DLGAP2: variants seen among roughly 807,000 people sequenced by gnomAD.
DLGAP2 encodes the protein disks large-associated protein 2.
DLGAP2 carries 26 observed loss-of-function variants against 100.3 expected under a neutral mutation model. The ratio of observed to expected loss-of-function variants is 0.26; its 90% CI spans 0.19 to 0.36. The LOEUF (loss-of-function observed/expected upper bound fraction) is 0.36, where lower values mean the gene tolerates loss of function less well. Ranked by LOEUF, DLGAP2 falls within the 10% of genes least tolerant of loss-of-function variation. The pLI is 1.00. For missense variants in DLGAP2, 1,858 were observed against 1,453.2 expected (o/e 1.28, Z -4.53); for synonymous variants, 886 against 630.1 (o/e 1.41, Z -6.08).
intron 6 of DLGAP2, among the ~76,000 whole-genome samples, chr8:1,589,534 C>T (rs968606804): frequency 3.9e-5 from 6 of 152,154 alleles, no homozygotes; most frequent in Non-Finnish European, 7.4e-5. Context: ...CCTCCCCAGG[C>T]TCTAATCCTC....
chr8:848,396 G>A (rs1253379826), intron 1 of DLGAP2, among the ~76,000 whole-genome samples: 1 of 115,088 alleles, frequency 8.7e-6, no homozygotes, highest in African/African-American at 3.2e-5. Flanking sequence ...GCGTGTTCCA[G>A]TGTAGGGTCG....
intron 3 of DLGAP2, among the ~76,000 whole-genome samples, chr8:1,344,325 T>C (rs556013469): frequency 1.3e-5 from 2 of 152,166 alleles, no homozygotes; most frequent in African/African-American, 4.8e-5. Context: ...GCCTTCAGGG[T>C]GCCACCTGCA....
At chr8:877,104 T>C (rs1373429358) in intron 1 of DLGAP2, among the ~76,000 whole-genome samples, 1 of 152,150 alleles carries the variant, frequency 6.6e-6, no homozygotes, top group Non-Finnish European at 1.5e-5. Context: ...TTGAAATCTT[T>C]TTCTAATAAA....
chr8:1,421,925 C>T (rs1370653716), intron 3 of DLGAP2, among the ~76,000 whole-genome samples: 1 of 152,064 alleles, frequency 6.6e-6, no homozygotes, highest in Non-Finnish European at 1.5e-5. Flanking sequence ...GTGATCATGC[C>T]ATTGCACTCT....
chr8:1,601,274 G>C (rs1796614947), intron 6 of DLGAP2, among the ~76,000 whole-genome samples: 1 of 152,160 alleles, frequency 6.6e-6, no homozygotes, highest in South Asian at 2.1e-4. Context: ...CCTGCCAGAT[G>C]CCAGCCGGAG....
chr8:1,480,571 TG>T (rs1482510054), intron 3 of DLGAP2, among the ~76,000 whole-genome samples: 1 of 152,134 alleles, frequency 6.6e-6, no homozygotes, highest in Non-Finnish European at 1.5e-5. Flanking sequence ...AAGAACAGGC[TG>T]GACGCAGTGG....
intron 2 of DLGAP2, among the ~76,000 whole-genome samples, chr8:935,618 C>T (rs1799053163): frequency 6.6e-6 from 1 of 152,164 alleles, no homozygotes; most frequent in Admixed American, 6.5e-5. Flanking sequence ...CATACTCCTG[C>T]ACCGAGTTCC....
rs79534512 is a variant in DLGAP2 at position 1,039,644 on chromosome 8, G to A, written c.73+131678G>A. ...GGTGTGCGTGGTCAGCTCGGTGTGCGTGGTCAGCTCGGTGTGGGTGGTCAG... is the reference window on the plus strand; with the variant it reads ...GGTGTGCGTGGTCAGCTCGGTGTGCATGGTCAGCTCGGTGTGGGTGGTCAG... On this transcript the variant is annotated intron_variant, in intron 2 of 14. Transcript: ENST00000637795. Among the ~76,000 whole-genome samples, 51 of 36,002 alleles carry A rather than the reference G, an allele frequency of 1.4e-3. 2 individuals are homozygous for A. Among genetic ancestry groups the A allele is most frequent in the East Asian group, 2.0e-3 (2 of 986 alleles). 23.6% of individuals were successfully genotyped at this position (36,002 alleles called of 152,430 possible). A position where few individuals can be genotyped will look rare whatever the true frequency, so the allele number is the denominator to read the frequency against.
At chr8:1,156,596 CCCCAGCCTAGCGT>C (rs1262106127) in intron 2 of DLGAP2, among the ~76,000 whole-genome samples, 6 of 72,364 alleles carry the variant, frequency 8.3e-5, no homozygotes, top group African/African-American at 2.5e-4. Flanking sequence ...CAGCCCAGCG[CCCCAGCCTAGCGT>C]CCCAGCCCAG....
chr8:1,429,231 C>G (rs1034688859), intron 3 of DLGAP2, among the ~76,000 whole-genome samples: 1 of 152,100 alleles, frequency 6.6e-6, no homozygotes, highest in Non-Finnish European at 1.5e-5. Context: ...GGTAGAATTC[C>G]TACTTAGGGT....
chr8:1,252,638 C>G (rs377666322), intron 2 of DLGAP2, among the ~76,000 whole-genome samples: 3 of 152,268 alleles, frequency 2.0e-5, no homozygotes, highest in African/African-American at 4.8e-5. Flanking sequence ...ATATTCTTGA[C>G]AAAGAGTCAT....
chr8:1,149,217 C>T (rs2129051342), intron 2 of DLGAP2, among the ~76,000 whole-genome samples: 1 of 152,222 alleles, frequency 6.6e-6, no homozygotes, highest in African/African-American at 2.4e-5. Context: ...GCAATGTCGG[C>T]TCACTGCAAG....
intron 2 of DLGAP2, among the ~76,000 whole-genome samples, chr8:1,182,590 G>T (rs1380827740): frequency 6.6e-6 from 1 of 152,242 alleles, no homozygotes; most frequent in Non-Finnish European, 1.5e-5. Context: ...GGCCCTAACA[G>T]AATTGTGTCA....
At chr8:1,428,356 A>T (rs1008278191) in intron 3 of DLGAP2, among the ~76,000 whole-genome samples, 7 of 152,198 alleles carry the variant, frequency 4.6e-5, no homozygotes, top group African/African-American at 1.7e-4. Context: ...TGAGAATGCA[A>T]ATAAACTTAC....
At chr8:837,956 A>C (rs1208632133) in intron 1 of DLGAP2, among the ~76,000 whole-genome samples, 3 of 145,574 alleles carry the variant, frequency 2.1e-5, no homozygotes, top group East Asian at 4.1e-4. Context: ...GCTGCTCCTG[A>C]GCTCAAGTGA....
chr8:1,694,602 A>T (rs1043733437), intron 13 of DLGAP2, among the ~76,000 whole-genome samples: 4 of 152,096 alleles, frequency 2.6e-5, no homozygotes, highest in African/African-American at 7.2e-5. Flanking sequence ...GTCCCCAGAA[A>T]CTTAGTCTCA....
Position 1,642,057 on chromosome 8 carries a change from C to G in DLGAP2, c.1810+9011C>G, listed in dbSNP as rs1367725237. On this transcript the variant is annotated intron_variant, in intron 8 of 14. Coordinates refer to ENST00000637795, the MANE Select transcript of DLGAP2 (RefSeq NM_001346810.2). ...CCTGCCGGCCCCCACCTGTGTCACC[C>G]TCGACCCCGCCGGCCCTCACCTGTG... 1.6e-3 allele frequency among the ~76,000 whole-genome samples: 49 copies of G among 30,808 alleles called. 9 individuals carry two copies. The highest frequency in any genetic ancestry group is 2.2e-3 in the Non-Finnish European group (42 of 19,166). The allele number at this position is 30,808 out of a possible 152,430, so 20.2% of individuals were successfully genotyped here.
chr8:790,716 C>G (rs1194404139), intron 1 of DLGAP2, among the ~76,000 whole-genome samples: 1 of 152,152 alleles, frequency 6.6e-6, no homozygotes, highest in Non-Finnish European at 1.5e-5. Flanking sequence ...TCGGCTATTT[C>G]TCATTTTCAC....
chr8:1,077,417 G>T (rs1803657040), intron 2 of DLGAP2, among the ~76,000 whole-genome samples: 1 of 152,204 alleles, frequency 6.6e-6, no homozygotes, highest in African/African-American at 2.4e-5. Context: ...GAGCAGAGGG[G>T]CGGTGGTGAT....
Sources: gnomAD v4.1 joint callset for allele counts (sites outside exome capture counted in the v4.1 genomes callset) on GRCh38, gnomAD v4.1.1 for gene constraint, MANE v1.5 for transcripts, NCBI Gene and HGNC (gene_info 2026-07-23, HGNC 2026-07-21) for gene names.